The following CADPS2 variants were observed in gnomAD, a reference collection of about 807,000 sequenced individuals.
CADPS2 encodes calcium dependent secretion activator 2.
A neutral mutation model predicts 172.5 loss-of-function variants in CADPS2; 93 were observed. The observed-to-expected ratio is 0.54, with a 90% CI of 0.46 to 0.64. The LOEUF is 0.64. Among genes scored for constraint, CADPS2 ranks in the 30% least tolerant of loss-of-function variants. The probability of loss-of-function intolerance (pLI) is 0.00; values close to 1 mark genes in which losing one functional copy is unlikely to be tolerated. For synonymous variants in CADPS2, 546 were observed against 555.2 expected (o/e 0.98, Z 0.23); for missense variants, 1,420 against 1,565.9 (o/e 0.91, Z 1.57).
At chr7:122,812,230 G>A (rs1421758254) in intron 1 of CADPS2, among the ~76,000 whole-genome samples, 1 of 151,804 alleles carries the variant, frequency 6.6e-6, no homozygotes, top group African/African-American at 2.4e-5. Flanking sequence ...ATGACCCATT[G>A]ATAGAAAACT....
chr7:122,846,439 T>C (rs1812010883), intron 1 of CADPS2, among the ~76,000 whole-genome samples: 1 of 152,196 alleles, frequency 6.6e-6, no homozygotes, highest in Non-Finnish European at 1.5e-5. Flanking sequence ...TTTGGTTAGC[T>C]ACAAAAGTGG....
At position 122,554,573 on chromosome 7, in the gene CADPS2, T is replaced by A. The variant is rs1364831402; in HGVS notation, c.1452A>T (p.Lys484Asn). Reference sequence around the variant, plus strand: ...ACCCACTATGCTTCATATGTGCTGGTTTATCCATTCGCACTGCCAGTTTGA... The same window carrying A: ...ACCCACTATGCTTCATATGTGCTGGATTATCCATTCGCACTGCCAGTTTGA... ...LKIKLAVRMD[K>N]PAHMKHSGYL... is the part of the protein sequence containing the mutation. The change falls in exon 8 of 30, where the codon AAA (lysine) becomes AAT (asparagine). Residue 484 changes from lysine (K) to asparagine (N), a missense_variant. Coordinates refer to ENST00000449022, the MANE Select transcript of CADPS2 (RefSeq NM_017954.11). 6.2e-7 allele frequency: 1 copy of A among 1,609,560 alleles called. No individual in the cohort carries two copies. Among genetic ancestry groups the A allele is most frequent in the Non-Finnish European group, 8.5e-7 (1 of 1,178,036 alleles).
rs144909991 is a variant in CADPS2 at position 122,375,685 on chromosome 7, T to G, written c.3387+3683A>C. 2.5e-3 allele frequency among the ~76,000 whole-genome samples: 377 copies of G among 152,178 alleles called. 1 individual carries two copies. Among genetic ancestry groups the G allele is most frequent in the African/African-American group, 8.6e-3 (358 of 41,542 alleles). ...CTAGAATAAAACATAGGGAAAAAGT[T>G]TCTTGACATTGGCCGTAGCAATGAC... On this transcript the variant is annotated intron_variant, in intron 25 of 29. Coordinates refer to ENST00000449022, the MANE Select transcript of CADPS2 (RefSeq NM_017954.11).
chr7:122,632,298 CTAAAG>C (rs1186653969), intron 3 of CADPS2, among the ~76,000 whole-genome samples: 1 of 152,176 alleles, frequency 6.6e-6, no homozygotes, highest in East Asian at 1.9e-4. Context: ...TCTATAGTGG[CTAAAG>C]TAATTTGGAT....
intron 1 of CADPS2, among the ~76,000 whole-genome samples, chr7:122,859,940 T>C (rs1190714174): frequency 6.6e-6 from 1 of 152,154 alleles, no homozygotes; most frequent in Non-Finnish European, 1.5e-5. Context: ...GCAAACTTCA[T>C]ACCTCTGTAT....
chr7:122,478,579 T>C (rs2056960760), intron 12 of CADPS2, among the ~76,000 whole-genome samples: 1 of 152,186 alleles, frequency 6.6e-6, no homozygotes, highest in Non-Finnish European at 1.5e-5. Context: ...TTTATGTAAG[T>C]CAAGCCTAAA....
At chr7:122,404,239 G>A (rs1030808222) in intron 20 of CADPS2, among the ~76,000 whole-genome samples, 5 of 151,792 alleles carry the variant, frequency 3.3e-5, no homozygotes, top group African/African-American at 9.7e-5. Flanking sequence ...GAGAATATAC[G>A]GTGTTTGGTT....
At chr7:122,359,317 C>A (rs1202707661) in intron 27 of CADPS2, among the ~76,000 whole-genome samples, 1 of 152,046 alleles carries the variant, frequency 6.6e-6, no homozygotes, top group Non-Finnish European at 1.5e-5. Flanking sequence ...TAACAGTAGG[C>A]TGCCATATGG....
At chr7:122,541,504 C>T (rs1352822179) in intron 8 of CADPS2, among the ~76,000 whole-genome samples, 2 of 116,950 alleles carry the variant, frequency 1.7e-5, no homozygotes, top group African/African-American at 6.5e-5. Context: ...TTGTGCCCAG[C>T]CAATTTTTGT....
chr7:122,718,123 G>A (rs778779327), intron 2 of CADPS2, among the ~76,000 whole-genome samples: 2 of 150,326 alleles, frequency 1.3e-5, no homozygotes, highest in Non-Finnish European at 3.0e-5. Flanking sequence ...GAGCCACCAC[G>A]CCTGGCCCCC....
chr7:122,667,802 A>G (rs2081336196), intron 2 of CADPS2, among the ~76,000 whole-genome samples: 1 of 152,204 alleles, frequency 6.6e-6, no homozygotes, highest in South Asian at 2.1e-4. Flanking sequence ...AAAAAAGGAT[A>G]CTTCAAGAAA....
At chr7:122,365,303 T>A (rs1229978537) in intron 25 of CADPS2, among the ~76,000 whole-genome samples, 1 of 152,182 alleles carries the variant, frequency 6.6e-6, no homozygotes, top group East Asian at 1.9e-4. Context: ...GGAATCTAAG[T>A]GCTTACATGG....
intron 24 of CADPS2, 107 bp downstream of exon 24, chr7:122,386,919 G>C: frequency 8.8e-7 from 1 of 1,141,958 alleles, no homozygotes; most frequent in Non-Finnish European, 1.2e-6. Context: ...TTTGGTGCTA[G>C]AGAACTTGGT....
At chr7:122,708,589 A>C (rs1228869119) in intron 2 of CADPS2, among the ~76,000 whole-genome samples, 17 of 142,278 alleles carry the variant, frequency 1.2e-4, no homozygotes, top group Non-Finnish European at 2.0e-4. Context: ...TGCTCTTAGC[A>C]ATCATAAAAC....
intron 1 of CADPS2, among the ~76,000 whole-genome samples, chr7:122,837,191 C>A (rs1171653102): frequency 6.6e-6 from 1 of 152,074 alleles, no homozygotes. Context: ...GGGTACATAA[C>A]GAAATGAAGG....
chr7:122,506,202 T>C (rs1272540400), intron 9 of CADPS2, among the ~76,000 whole-genome samples: 1 of 152,232 alleles, frequency 6.6e-6, no homozygotes, highest in East Asian at 1.9e-4. Context: ...GTATTTGTTT[T>C]CATTTACGAG....
intron 25 of CADPS2, among the ~76,000 whole-genome samples, chr7:122,376,386 T>C (rs2042355878): frequency 6.6e-6 from 1 of 152,130 alleles, no homozygotes; most frequent in Non-Finnish European, 1.5e-5. Flanking sequence ...AATGAAATAT[T>C]ATTCAGCCTC....
At chr7:122,672,687 C>A (rs760438851) in intron 2 of CADPS2, among the ~76,000 whole-genome samples, 2 of 152,186 alleles carry the variant, frequency 1.3e-5, no homozygotes, top group African/African-American at 4.8e-5. Flanking sequence ...CTGGGTGCAC[C>A]TTTGGCAGCC....
At chr7:122,697,954 G>A in intron 2 of CADPS2, 1 of 1,613,722 alleles carries the variant, frequency 6.2e-7, no homozygotes, top group Non-Finnish European at 8.5e-7. Flanking sequence ...CAGTTCATTT[G>A]ACATTAGAAC....
Sources: allele counts gnomAD v4.1 joint callset (sites outside exome capture counted in the v4.1 genomes callset), GRCh38; gene constraint gnomAD v4.1.1; transcripts MANE v1.5; gene names NCBI Gene and HGNC (gene_info 2026-07-23, HGNC 2026-07-21).